The following CLCN5 variants were observed in gnomAD, a reference collection of about 807,000 sequenced individuals.
CLCN5 encodes H(+)/Cl(-) exchange transporter 5.
CLCN5 carries 17 observed loss-of-function variants against 54.0 expected under a neutral mutation model. The ratio of observed to expected loss-of-function variants is 0.31; its 90% CI spans 0.22 to 0.47. CLCN5 has a LOEUF of 0.47. CLCN5 is among the 20% of genes least tolerant of loss of function. The pLI is 1.00. For synonymous variants in CLCN5, 222 were observed against 233.0 expected (o/e 0.95, Z 0.43); for missense variants, 448 against 646.7 (o/e 0.69, Z 3.33).
At chrX:50,035,083 C>T (rs1464488423) in intron 3 of CLCN5, among the ~76,000 whole-genome samples, 3 of 111,032 alleles carry the variant, frequency 2.7e-5, no homozygotes, top group African/African-American at 9.8e-5. Context: ...TTCTCATCTT[C>T]AAGTCTTTGG....
chrX:50,083,193 A>C (rs991694685), intron 9 of CLCN5, among the ~76,000 whole-genome samples: 16 of 82,851 alleles, frequency 1.9e-4, no homozygotes, highest in Non-Finnish European at 3.3e-4. Context: ...TATGAAAACC[A>C]AAAAAAAAAA....
At position 50,098,666 on chromosome X, in the gene CLCN5, T is replaced by A. The variant is rs1019905350; in HGVS notation, c.*6447T>A. On this transcript the variant is annotated 3_prime_UTR_variant, in exon 15 of 15. Transcript: ENST00000376091. The stretch of plus-strand genomic sequence containing the variant: ...TCAACCAAAGCTAATAGAGCCCAAG[T>A]TTCCGCAGGAAGTTTGGTGCTGAGC... 1 of 112,968 alleles carries A rather than the reference T, an allele frequency of 8.9e-6. No individual in the cohort carries two copies. The highest frequency in any genetic ancestry group is 1.9e-5 in the Non-Finnish European group (1 of 53,343). 9.3% of individuals were successfully genotyped at this position (112,968 alleles called of 1,213,427 possible).
In CLCN5 at chrX:49,922,790, C is replaced by G. The variant is rs2147241703; in HGVS notation, c.-207C>G. On this transcript the variant is annotated splice_region_variant and 5_prime_UTR_variant, in exon 1 of 15. Coordinates refer to ENST00000376091, the MANE Select transcript of CLCN5 (RefSeq NM_001127898.4). ...GCTCCGCCGCTCCGGACCTCGGCGA[C>G]AGGTAAAGGCAAACGGGCTGTCCCT... The G allele has an allele frequency of 8.8e-6, 1 of 113,144 alleles. No homozygotes were observed. Among genetic ancestry groups the G allele is most frequent in the South Asian group, 3.6e-4 (1 of 2,790 alleles). The allele number at this position is 113,144 out of a possible 1,213,427, so 9.3% of individuals were successfully genotyped here. A position where few individuals can be genotyped will look rare whatever the true frequency, so the allele number is the denominator to read the frequency against.
At chrX:50,012,361 G>A (rs984765658) in intron 3 of CLCN5, among the ~76,000 whole-genome samples, 1 of 112,257 alleles carries the variant, frequency 8.9e-6, no homozygotes, top group Non-Finnish European at 1.9e-5. Context: ...GAGCTTGAAG[G>A]AAAGTGGCCC....
At chrX:50,002,887 T>A (rs1929939451) in intron 3 of CLCN5, among the ~76,000 whole-genome samples, 1 of 111,587 alleles carries the variant, frequency 9.0e-6, no homozygotes, top group African/African-American at 3.3e-5. Context: ...GGATATTTTA[T>A]GAGAATAAAT....
chrX:50,078,164 G>C (rs1244635833), intron 7 of CLCN5, among the ~76,000 whole-genome samples: 1 of 110,573 alleles, frequency 9.0e-6, no homozygotes, highest in Non-Finnish European at 1.9e-5. Context: ...AATATATCAA[G>C]ACCCCTGTGT....
chrX:50,013,213 AC>A (rs782663316), intron 3 of CLCN5: 3 of 72,781 alleles, frequency 4.1e-5, no homozygotes, highest in Non-Finnish European at 5.2e-5. Context: ...CTCCTCCCCC[AC>A]CCCCCTCCCA....
intron 4 of CLCN5, among the ~76,000 whole-genome samples, chrX:50,060,180 C>G (rs978439822): frequency 9.1e-6 from 1 of 110,174 alleles, no homozygotes; most frequent in African/African-American, 3.3e-5. Context: ...GGAACAGCTC[C>G]GGTCTACAGC....
chrX:49,930,023 CAG>C (rs1451792578), intron 3 of CLCN5, among the ~76,000 whole-genome samples: 2 of 110,771 alleles, frequency 1.8e-5, no homozygotes, highest in Non-Finnish European at 1.9e-5. Context: ...AAAGACTTAA[CAG>C]GGGGATAAGA....
chrX:49,938,609 C>T (rs1926137717), intron 3 of CLCN5, among the ~76,000 whole-genome samples: 1 of 111,760 alleles, frequency 8.9e-6, no homozygotes, highest in Non-Finnish European at 1.9e-5. Flanking sequence ...AAACTGGATC[C>T]CTTCCTTACA....
At chrX:50,048,375 C>A (rs782176322) in intron 4 of CLCN5, among the ~76,000 whole-genome samples, 1 of 112,704 alleles carries the variant, frequency 8.9e-6, no homozygotes, top group East Asian at 2.8e-4. Context: ...TGGGGACCCC[C>A]TGGTTTAGCT....
At chrX:50,019,039 T>C (rs187259959) in intron 3 of CLCN5, among the ~76,000 whole-genome samples, 24 of 112,005 alleles carry the variant, frequency 2.1e-4, no homozygotes, top group African/African-American at 7.1e-4. Context: ...AAATGTTTGG[T>C]AGAATACACT....
chrX:49,973,580 T>C (rs1345884539), intron 3 of CLCN5, among the ~76,000 whole-genome samples: 1 of 108,498 alleles, frequency 9.2e-6, no homozygotes, highest in Admixed American at 9.9e-5. Context: ...TCACGTATTA[T>C]ACAACCCACC....
At chrX:50,066,060 C>G (rs1557190768) in intron 4 of CLCN5, among the ~76,000 whole-genome samples, 1 of 102,752 alleles carries the variant, frequency 9.7e-6, no homozygotes. Context: ...ATACCTAATG[C>G]TAGATGATGA....
intron 3 of CLCN5, among the ~76,000 whole-genome samples, chrX:49,979,143 A>G (rs1255652200): frequency 1.8e-5 from 2 of 111,792 alleles, no homozygotes; most frequent in Non-Finnish European, 3.8e-5. Context: ...CTTAAAAGAA[A>G]GAAGGGAATA....
chrX:50,017,632 C>T (rs782688733), intron 3 of CLCN5, among the ~76,000 whole-genome samples: 36 of 110,462 alleles, frequency 3.3e-4, no homozygotes, highest in Non-Finnish European at 5.7e-4. Context: ...TTAGGTCAGT[C>T]ATCTATTTTG....
At chrX:49,981,613 C>G (rs1402810795) in intron 3 of CLCN5, among the ~76,000 whole-genome samples, 1 of 109,943 alleles carries the variant, frequency 9.1e-6, no homozygotes, top group African/African-American at 3.3e-5. Flanking sequence ...TCAAGTCTTT[C>G]AAGATTCAGC....
intron 4 of CLCN5, chrX:50,069,627 C>T: frequency 1.1e-6 from 1 of 900,775 alleles, no homozygotes; most frequent in Non-Finnish European, 1.4e-6. Context: ...ACATCAACTC[C>T]TGTCTCTCTT....
At chrX:49,926,886 C>A (rs1406957825) in intron 3 of CLCN5, among the ~76,000 whole-genome samples, 2 of 105,954 alleles carry the variant, frequency 1.9e-5, no homozygotes, top group African/African-American at 7.9e-5. Flanking sequence ...AGGGTCTGAG[C>A]AGAAGCAGGG....
Sources: gnomAD v4.1 joint callset for allele counts (sites outside exome capture counted in the v4.1 genomes callset) on GRCh38, gnomAD v4.1.1 for gene constraint, MANE v1.5 for transcripts, NCBI Gene and HGNC (gene_info 2026-07-23, HGNC 2026-07-21) for gene names.